The following CLIC5 variants were observed in gnomAD, a reference collection of about 807,000 sequenced individuals.
CLIC5 encodes the protein chloride intracellular channel protein 5.
CLIC5 carries 20 observed loss-of-function variants against 24.7 expected under a neutral mutation model. The ratio of observed to expected loss-of-function variants is 0.81; its 90% CI spans 0.57 to 1.18. CLIC5 has a LOEUF of 1.18. CLIC5 is among the 50% of genes most tolerant of loss of function. CLIC5 has a pLI of 0.00. For missense variants in CLIC5, 341 were observed against 326.1 expected (o/e 1.05, Z -0.35); for synonymous variants, 159 against 135.6 (o/e 1.17, Z -1.20).
At chr6:46,022,496 G>C (rs113091324) in intron 1 of CLIC5, among the ~76,000 whole-genome samples, 1 of 152,186 alleles carries the variant, frequency 6.6e-6, no homozygotes, top group African/African-American at 2.4e-5. Flanking sequence ...GGACCAACTG[G>C]GTGTAGACGA....
In CLIC5 at chr6:46,044,423, A is replaced by G. The variant is rs186192701; in HGVS notation, c.540+35280T>C. On this transcript the variant is annotated intron_variant, in intron 1 of 5. Coordinates refer to the CLIC5 transcript ENST00000185206. ...AGGGAAATGGTGGCTTTGGAAAGAG[A>G]TTTTACCTGTATCATCACTTGGTTT... Among the ~76,000 whole-genome samples the G allele has an allele frequency of 9.0e-4, 137 of 152,284 alleles. 1 individual carries two copies. The highest frequency in any genetic ancestry group is 3.2e-3 in the African/African-American group (132 of 41,554).
At chr6:45,970,957 A>C (rs1269153716) in intron 1 of CLIC5, among the ~76,000 whole-genome samples, 1 of 152,184 alleles carries the variant, frequency 6.6e-6, no homozygotes, top group Non-Finnish European at 1.5e-5. Flanking sequence ...CTCTAATGTA[A>C]ATTCTCCACT....
chr6:45,974,530 G>C (rs1326529148), intron 1 of CLIC5, among the ~76,000 whole-genome samples: 2 of 68,638 alleles, frequency 2.9e-5, no homozygotes, highest in Non-Finnish European at 5.3e-5. Flanking sequence ...TATAGAGAGA[G>C]AGAGAGAGAG....
At chr6:46,082,286 A>T (rs1762940595), upstream of CLIC5, among the ~76,000 whole-genome samples, 1 of 152,240 alleles carries the variant, frequency 6.6e-6, no homozygotes, top group South Asian at 2.1e-4. Flanking sequence ...AGGGCCCAAG[A>T]TCAAACAGAT....
chr6:46,045,925 A>G (rs1307941333), intron 1 of CLIC5, among the ~76,000 whole-genome samples: 3 of 152,204 alleles, frequency 2.0e-5, no homozygotes, highest in Non-Finnish European at 4.4e-5. Context: ...ACGCACATGA[A>G]CATAAGCATT....
the CLIC5 span, among the ~76,000 whole-genome samples, chr6:46,104,127 G>A: frequency 1.3e-4 from 19 of 151,846 alleles, no homozygotes; most frequent in African/African-American, 4.6e-4. Context: ...GTACAACTCT[G>A]GTGTACTTTT....
intron 1 of CLIC5, among the ~76,000 whole-genome samples, chr6:46,024,843 A>G (rs747901933): frequency 6.6e-6 from 1 of 152,208 alleles, no homozygotes; most frequent in East Asian, 1.9e-4. Context: ...AGTGACGCCA[A>G]TCTTGAGGTG....
the CLIC5 span, among the ~76,000 whole-genome samples, chr6:46,124,587 A>C: frequency 3.3e-5 from 5 of 152,238 alleles, no homozygotes; most frequent in Admixed American, 6.5e-5. Flanking sequence ...GGATCTAATT[A>C]AACTAAAGAA....
At chr6:45,966,098 G>A (rs1166085665) in intron 1 of CLIC5, among the ~76,000 whole-genome samples, 1 of 152,102 alleles carries the variant, frequency 6.6e-6, no homozygotes, top group Admixed American at 6.5e-5. Context: ...CCCAAAATCT[G>A]TCATCCTAGC....
chr6:46,096,391 C>T, the CLIC5 span, among the ~76,000 whole-genome samples: 2 of 152,182 alleles, frequency 1.3e-5, no homozygotes, highest in East Asian at 1.9e-4. Flanking sequence ...ATATCCACAC[C>T]GTGCAATGCT....
chr6:46,109,526 A>C, the CLIC5 span, among the ~76,000 whole-genome samples: 3 of 145,138 alleles, frequency 2.1e-5, no homozygotes, highest in East Asian at 5.9e-4. Context: ...AAAAAAAAAA[A>C]AAAAAAAAAA....
At chr6:45,881,171 T>A in exon 7 of CLIC5, 1 of 398,414 alleles carries the variant, frequency 2.5e-6, no homozygotes, top group Non-Finnish European at 4.4e-6. Context: ...TGCCCCCTTT[T>A]TTTCAACAAA....
At chr6:46,108,401 TGA>T in the CLIC5 span, among the ~76,000 whole-genome samples, 26 of 141,754 alleles carry the variant, frequency 1.8e-4, no homozygotes, top group East Asian at 1.0e-3. Flanking sequence ...TGTGTGTGTG[TGA>T]GAGAGAGAGA....
rs559588836 is a variant in CLIC5 at position 45,902,221 on chromosome 6, C to A, written c.*867G>T. The A allele has an allele frequency of 6.5e-6, 1 of 152,868 alleles. No individual in the cohort carries two copies. The highest frequency in any genetic ancestry group is 2.4e-5 in the African/African-American group (1 of 41,444). The allele number at this position is 152,868 out of a possible 1,614,324, so 9.5% of individuals were successfully genotyped here. A position where few individuals can be genotyped will look rare whatever the true frequency, so the allele number is the denominator to read the frequency against. The stretch of plus-strand genomic sequence containing the variant: ...CATCCACTTTCTCATAGCTCAAAAA[C>A]CACTCATTGGTAAGCACAGTCAAAC... On this transcript the variant is annotated 3_prime_UTR_variant, in exon 6 of 6. Coordinates refer to ENST00000339561, the MANE Select transcript of CLIC5 (RefSeq NM_016929.5).
At chr6:45,927,631 A>G (rs1763552877) in intron 4 of CLIC5, among the ~76,000 whole-genome samples, 2 of 152,186 alleles carry the variant, frequency 1.3e-5, no homozygotes, top group Non-Finnish European at 1.5e-5. Flanking sequence ...AGGAATCTAC[A>G]TTGAACAAGC....
At chr6:45,959,462 G>A (rs1467533288) in intron 1 of CLIC5, among the ~76,000 whole-genome samples, 3 of 152,192 alleles carry the variant, frequency 2.0e-5, no homozygotes, top group Non-Finnish European at 4.4e-5. Flanking sequence ...ATCTGACTTA[G>A]TAGAAGTCGG....
chr6:46,019,448 A>C (rs969614832), upstream of CLIC5, among the ~76,000 whole-genome samples: 5 of 152,048 alleles, frequency 3.3e-5, no homozygotes, highest in South Asian at 2.1e-4. Context: ...GCACTTTGGG[A>C]GGCCGAGGCG....
the CLIC5 span, among the ~76,000 whole-genome samples, chr6:46,102,998 C>A: frequency 5.3e-5 from 8 of 152,236 alleles, no homozygotes; most frequent in East Asian, 1.5e-3. Context: ...TTAAAAATTT[C>A]TTCTTTGATT....
chr6:46,086,326 G>A, the CLIC5 span, among the ~76,000 whole-genome samples: 34 of 152,352 alleles, frequency 2.2e-4, no homozygotes, highest in Admixed American at 1.0e-3. Flanking sequence ...GAAATCACCC[G>A]TCTTCTGCGT....
Sources: gnomAD v4.1 joint callset for allele counts (sites outside exome capture counted in the v4.1 genomes callset) on GRCh38, gnomAD v4.1.1 for gene constraint, MANE v1.5 for transcripts, NCBI Gene and HGNC (gene_info 2026-07-23, HGNC 2026-07-21) for gene names.